Variants in KLHL8 observed in about 807,000 individuals in gnomAD.
KLHL8 encodes the protein kelch like family member 8, also known as kelch-like protein 8.
A neutral mutation model predicts 63.5 loss-of-function variants in KLHL8; 38 were observed. The observed-to-expected ratio is 0.60, with a 90% CI of 0.46 to 0.78. The LOEUF is 0.78. Ranked by LOEUF, KLHL8 falls within the 30% of genes least tolerant of loss-of-function variation. KLHL8 has a pLI of 0.00. For synonymous variants in KLHL8, 224 were observed against 254.3 expected, an observed-to-expected ratio of 0.88 and a Z score of 1.13; for missense variants, 566 against 752.4, an observed-to-expected ratio of 0.75 and a Z score of 2.90.
chr4:87,186,045 A>T (rs573317869), intron 2 of KLHL8, among the ~76,000 whole-genome samples: 110 of 149,212 alleles, frequency 7.4e-4, no homozygotes, highest in Middle Eastern at 3.4e-3. Flanking sequence ...TTAAAAAAAA[A>T]TTTTTTTTTT....
chr4:87,182,228 C>CAAAAA (rs34458758), intron 4 of KLHL8, among the ~76,000 whole-genome samples: 1 of 67,718 alleles, frequency 1.5e-5, no homozygotes, highest in Non-Finnish European at 2.8e-5. Flanking sequence ...GACTCCGTCT[C>CAAAAA]AAAAAAAAAA....
In KLHL8 at chr4:87,195,604, T is replaced by C. The variant is rs1731665490; in HGVS notation, c.-65A>G. On this transcript the variant is annotated 5_prime_UTR_variant, in exon 2 of 10. Transcript: ENST00000273963. ...ATGCCATTTATTTTTTTTCAAAGGG[T>C]AGAGAGAAGGCAGAAGGTAGATGTA... is the stretch of plus-strand genomic sequence containing the variant. 1 of 1,374,734 alleles carries C rather than the reference T, an allele frequency of 7.3e-7. No homozygotes were observed. Among genetic ancestry groups the C allele is most frequent in the African/African-American group, 1.4e-5 (1 of 69,458 alleles). 85.2% of individuals were successfully genotyped at this position (1,374,734 alleles called of 1,614,324 possible).
intron 1 of KLHL8, among the ~76,000 whole-genome samples, chr4:87,240,003 A>C (rs1451478328): frequency 6.6e-6 from 1 of 152,156 alleles, no homozygotes; most frequent in African/African-American, 2.4e-5. Context: ...ATGTTTGCTC[A>C]AAGTCCTAAT....
chr4:87,184,724 A>C (rs997942452), intron 3 of KLHL8, among the ~76,000 whole-genome samples: 1 of 152,120 alleles, frequency 6.6e-6, no homozygotes, highest in Non-Finnish European at 1.5e-5. Context: ...ACTCCTATTG[A>C]CAGTAAAAAA....
intron 1 of KLHL8, among the ~76,000 whole-genome samples, chr4:87,217,502 T>C (rs1732644522): frequency 6.6e-6 from 1 of 151,838 alleles, no homozygotes; most frequent in Admixed American, 6.6e-5. Context: ...ATCTGGGTAA[T>C]TTTTGTTCGT....
intron 1 of KLHL8, among the ~76,000 whole-genome samples, chr4:87,210,891 C>T (rs1357546069): frequency 6.6e-6 from 1 of 152,194 alleles, no homozygotes; most frequent in African/African-American, 2.4e-5. Flanking sequence ...TAGTGTACTT[C>T]CTCTGTGCTC....
intron 3 of KLHL8, among the ~76,000 whole-genome samples, chr4:87,184,900 C>T (rs1731192137): frequency 1.3e-5 from 2 of 152,054 alleles, no homozygotes. Context: ...ATTTAGAAAC[C>T]ATTATAAAAC....
chr4:87,178,382 T>C, intron 5 of KLHL8, 95 bp downstream of exon 5: 1 of 1,257,944 alleles, frequency 7.9e-7, no homozygotes, highest in Non-Finnish European at 1.1e-6. Context: ...ATTTACAATT[T>C]AGTCATTTTC....
upstream of KLHL8, chr4:87,220,747 A>T (rs375212732): frequency 6.6e-6 from 1 of 152,238 alleles, no homozygotes; most frequent in Non-Finnish European, 1.5e-5. Flanking sequence ...GGTCTCAGGG[A>T]CTGGGCAGTG....
chr4:87,226,387 A>C (rs1732974257), intron 1 of KLHL8, among the ~76,000 whole-genome samples: 1 of 150,840 alleles, frequency 6.6e-6, no homozygotes. Context: ...ACATGGTGAA[A>C]CCCTGTCTCT....
chr4:87,211,485 G>A (rs1732403668), intron 1 of KLHL8, among the ~76,000 whole-genome samples: 1 of 152,038 alleles, frequency 6.6e-6, no homozygotes, highest in South Asian at 2.1e-4. Context: ...AATTACTGCC[G>A]TGACTTTAAA....
chr4:87,166,870 G>C (rs1466317920), intron 8 of KLHL8: 1 of 158,774 alleles, frequency 6.3e-6, no homozygotes, highest in Non-Finnish European at 1.4e-5. Context: ...AGGAAGCAAC[G>C]TGCCTGCAGC....
intron 6 of KLHL8, among the ~76,000 whole-genome samples, chr4:87,175,933 AC>A (rs1243739083): frequency 6.6e-6 from 1 of 152,172 alleles, no homozygotes; most frequent in Non-Finnish European, 1.5e-5. Context: ...ATAGCAAAAC[AC>A]TAGATACTTT....
intron 6 of KLHL8, among the ~76,000 whole-genome samples, chr4:87,175,895 C>T (rs1456831699): frequency 6.6e-6 from 1 of 151,922 alleles, no homozygotes; most frequent in African/African-American, 2.4e-5. Context: ...ATATAGATAC[C>T]TTAGTCCTAA....
Position 87,170,507 on chromosome 4 carries a change from C to G in KLHL8, c.1317G>C (p.Gln439His). 3 of 1,614,042 alleles carry G rather than the reference C, an allele frequency of 1.9e-6. No individual in the cohort carries two copies. The highest frequency in any genetic ancestry group is 2.5e-6 in the Non-Finnish European group (3 of 1,179,956). Reference protein sequence around the residue: ...DVERYDIESDQWSTVAPMNTP... With the variant: ...DVERYDIESDHWSTVAPMNTP... ...TATTCATTGGTGCCACTGTACTCCA[C>G]TGATCAGATTCTATGTCATATCTCT... The change falls in exon 7 of 10, where the codon CAG becomes CAC. Residue 439 changes from glutamine to histidine, a missense_variant. Coordinates refer to ENST00000273963, the MANE Select transcript of KLHL8 (RefSeq NM_020803.5).
rs1212412377 is a variant in KLHL8 at position 87,162,398 on chromosome 4, C to A, written c.*1121G>T. 2.0e-5 allele frequency: 3 copies of A among 152,172 alleles called. No homozygotes were observed. The highest frequency in any genetic ancestry group is 7.2e-5 in the African/African-American group (3 of 41,432). The allele number at this position is 152,172 out of a possible 1,614,324, so 9.4% of individuals were successfully genotyped here. ...ATTTTTAATTAAATTTCAATAAATA[C>A]ACCAGAGGGATTTAAATATGATAAA... is the stretch of plus-strand genomic sequence containing the variant. On this transcript the variant is annotated 3_prime_UTR_variant, in exon 10 of 10. Transcript: ENST00000273963.
At chr4:87,232,514 T>C (rs1733153162) in intron 1 of KLHL8, among the ~76,000 whole-genome samples, 1 of 152,228 alleles carries the variant, frequency 6.6e-6, no homozygotes, top group East Asian at 1.9e-4. Context: ...TAAGGGTACA[T>C]AGCAAATACA....
chr4:87,191,429 T>A (rs762267839), intron 2 of KLHL8, among the ~76,000 whole-genome samples: 50 of 152,216 alleles, frequency 3.3e-4, no homozygotes, highest in Non-Finnish European at 5.7e-4. Context: ...ATCACTGTAC[T>A]CCAGCCTGGG....
Position 87,161,365 on chromosome 4 carries a change from G to A in KLHL8, c.*2154C>T, listed in dbSNP as rs1730165074. The stretch of plus-strand genomic sequence containing the variant: ...GGCCTATTTATCTTTTCATACTGCT[G>A]TCAGGTCCTTCAAGGCTATGCTTCT... On this transcript the variant is annotated 3_prime_UTR_variant, in exon 10 of 10. Transcript: ENST00000273963. 1 of 152,050 alleles carries A rather than the reference G, an allele frequency of 6.6e-6. No individual in the cohort carries two copies. Among genetic ancestry groups the A allele is most frequent in the Non-Finnish European group, 1.5e-5 (1 of 68,030 alleles). The allele number at this position is 152,050 out of a possible 1,614,324, so 9.4% of individuals were successfully genotyped here. A position where few individuals can be genotyped will look rare whatever the true frequency, so the allele number is the denominator to read the frequency against.
Sources: allele counts gnomAD v4.1 joint callset (sites outside exome capture counted in the v4.1 genomes callset), GRCh38; gene constraint gnomAD v4.1.1; transcripts MANE v1.5; gene names NCBI Gene and HGNC (gene_info 2026-07-23, HGNC 2026-07-21).